RYR2: variants seen among roughly 807,000 people sequenced by gnomAD.
RYR2 encodes cardiac muscle ryanodine receptor-calcium release channel.
Under a neutral mutation model 601.1 loss-of-function variants are expected in RYR2, and 227 were observed. The observed-to-expected ratio is 0.38, with a 90% CI of 0.34 to 0.42. RYR2 has a LOEUF of 0.42. RYR2 is among the 10% of genes least tolerant of loss of function. The pLI is 1.00. For missense variants in RYR2, 4,646 were observed against 6,156.5 expected (o/e 0.75, Z 8.21); for synonymous variants, 2,223 against 2,175.1 (o/e 1.02, Z -0.61).
intron 1 of RYR2, among the ~76,000 whole-genome samples, chr1:237,138,000 C>T (rs1475440471): frequency 6.6e-6 from 1 of 151,174 alleles, no homozygotes; most frequent in Non-Finnish European, 1.5e-5. Flanking sequence ...TTAATTTTAC[C>T]ACTTTTGCAC....
chr1:237,242,033 G>A (rs1358204959), intron 1 of RYR2, among the ~76,000 whole-genome samples: 1 of 152,268 alleles, frequency 6.6e-6, no homozygotes, highest in East Asian at 1.9e-4. Flanking sequence ...TGAAAAGGTG[G>A]ATAGTAGATA....
intron 1 of RYR2, among the ~76,000 whole-genome samples, chr1:237,263,455 G>T (rs945901405): frequency 1.3e-5 from 2 of 152,094 alleles, no homozygotes; most frequent in Non-Finnish European, 2.9e-5. Flanking sequence ...GACAGAATTG[G>T]GTCTAAGTAA....
At chr1:237,732,022 T>C (rs1389607424) in intron 77 of RYR2, 24 bp from the exon 78 acceptor site, 2 of 1,492,418 alleles carry the variant, frequency 1.3e-6, no homozygotes, top group South Asian at 1.2e-5. Flanking sequence ...AATGTGACAT[T>C]TTATAAATTT....
intron 10 of RYR2, among the ~76,000 whole-genome samples, chr1:237,408,639 T>A (rs768464868): frequency 2.6e-4 from 39 of 152,190 alleles, no homozygotes; most frequent in Non-Finnish European, 4.9e-4. Flanking sequence ...TTCTTCTCCT[T>A]CAATATTGTG....
At chr1:237,255,490 G>A (rs1687861112) in intron 1 of RYR2, among the ~76,000 whole-genome samples, 1 of 151,964 alleles carries the variant, frequency 6.6e-6, no homozygotes, top group African/African-American at 2.4e-5. Context: ...CTTAGTTTAG[G>A]GGATTTATAA....
At chr1:237,796,556 T>G (rs1659252698) in intron 96 of RYR2, among the ~76,000 whole-genome samples, 1 of 152,196 alleles carries the variant, frequency 6.6e-6, no homozygotes, top group South Asian at 2.1e-4. Context: ...ATTGCATACA[T>G]TCAGAAAAAG....
intron 10 of RYR2, among the ~76,000 whole-genome samples, chr1:237,403,330 C>A (rs982835087): frequency 2.6e-5 from 4 of 152,184 alleles, no homozygotes; most frequent in African/African-American, 9.7e-5. Context: ...CAGTTGATTT[C>A]AACTCAGAAA....
At chr1:237,504,087 TA>T (rs1429485118) in intron 22 of RYR2, among the ~76,000 whole-genome samples, 2 of 152,228 alleles carry the variant, frequency 1.3e-5, no homozygotes, top group African/African-American at 4.8e-5. Context: ...CCTGAGGTGT[TA>T]AAAACACTGT....
At chr1:237,218,370 CCTA>C (rs900761837) in intron 1 of RYR2, among the ~76,000 whole-genome samples, 2 of 152,040 alleles carry the variant, frequency 1.3e-5, no homozygotes, top group African/African-American at 4.8e-5. Context: ...TCATTGAACA[CCTA>C]CTGTGCACCA....
chr1:237,425,611 GCGATAGAGCAAGAC>G (rs1005320964), intron 12 of RYR2, among the ~76,000 whole-genome samples: 1 of 151,922 alleles, frequency 6.6e-6, no homozygotes, highest in Non-Finnish European at 1.5e-5. Flanking sequence ...TCCAGCCTGG[GCGATAGAGCAAGAC>G]TCTGTCTCAA....
At chr1:237,049,627 C>T (rs1248359344) in intron 1 of RYR2, among the ~76,000 whole-genome samples, 1 of 152,160 alleles carries the variant, frequency 6.6e-6, no homozygotes, top group Non-Finnish European at 1.5e-5. Flanking sequence ...TGGAAATCCT[C>T]ATCCTGGTGG....
At position 237,697,636 on chromosome 1, in the gene RYR2, C is replaced by T. The variant is rs78231565; in HGVS notation, c.9068-1329C>T. On this transcript the variant is annotated intron_variant, in intron 63 of 104. Transcript: ENST00000366574. ...TTGCTTACTGATTCGTTATCTATATCCCCCTTTAAAATGCAAGTACCATAA... is the reference window on the plus strand; with the variant it reads ...TTGCTTACTGATTCGTTATCTATATTCCCCTTTAAAATGCAAGTACCATAA... 5.9e-3 allele frequency among the ~76,000 whole-genome samples: 818 copies of T among 139,624 alleles called. 16 individuals are homozygous for T. Among genetic ancestry groups the T allele is most frequent in the East Asian group, 0.053 (257 of 4,828 alleles). The allele number at this position is 139,624 out of a possible 152,430, so 91.6% of individuals were successfully genotyped here.
intron 63 of RYR2, among the ~76,000 whole-genome samples, chr1:237,691,462 C>A (rs909546207): frequency 1.3e-5 from 2 of 152,044 alleles, no homozygotes; most frequent in Admixed American, 6.6e-5. Flanking sequence ...ATCTCCAAAC[C>A]TCGCCTGTGG....
intron 2 of RYR2, among the ~76,000 whole-genome samples, chr1:237,274,682 A>T (rs959274902): frequency 2.0e-5 from 3 of 152,198 alleles, no homozygotes; most frequent in African/African-American, 7.2e-5. Flanking sequence ...ACATTCACCC[A>T]CCACTCACTC....
chr1:237,556,770 A>G (rs1410008477), intron 27 of RYR2, among the ~76,000 whole-genome samples: 2 of 151,416 alleles, frequency 1.3e-5, no homozygotes, highest in Non-Finnish European at 2.9e-5. Flanking sequence ...TAAGCTGAAG[A>G]GTCATAACAC....
chr1:237,771,999 T>G lies in RYR2; in HGVS notation c.11558-13T>G, dbSNP rs1694310385. On this transcript the variant is annotated splice_polypyrimidine_tract_variant and intron_variant, in intron 85 of 104. Coordinates refer to ENST00000366574, the MANE Select transcript of RYR2 (RefSeq NM_001035.3). ...CTGAGCAAGCATTAATAACATTTTT[T>G]TATCTTGCATAGATTTTCAGAATTA... 1 of 1,448,810 alleles carries G rather than the reference T, an allele frequency of 6.9e-7. No homozygotes were observed. The highest frequency in any genetic ancestry group is 9.5e-7 in the Non-Finnish European group (1 of 1,054,502). The allele number at this position is 1,448,810 out of a possible 1,614,324, so 89.7% of individuals were successfully genotyped here.
intron 3 of RYR2, among the ~76,000 whole-genome samples, chr1:237,342,796 G>A (rs369892904): frequency 3.9e-5 from 6 of 152,280 alleles, no homozygotes; most frequent in South Asian, 2.1e-4. Context: ...AAAGAGCAGC[G>A]CAGCAAGAAC....
At chr1:237,286,034 T>C (rs1170134992) in intron 2 of RYR2, among the ~76,000 whole-genome samples, 2 of 152,172 alleles carry the variant, frequency 1.3e-5, no homozygotes, top group African/African-American at 4.8e-5. Flanking sequence ...TCTGCTCTGA[T>C]CTTGGTTATT....
At chr1:237,600,835 T>C (rs951878474) in intron 34 of RYR2, among the ~76,000 whole-genome samples, 10 of 152,120 alleles carry the variant, frequency 6.6e-5, no homozygotes, top group African/African-American at 2.4e-4. Context: ...AACAGACATA[T>C]GAAAACATGC....
Sources: allele counts gnomAD v4.1 joint callset (sites outside exome capture counted in the v4.1 genomes callset), GRCh38; gene constraint gnomAD v4.1.1; transcripts MANE v1.5; gene names NCBI Gene and HGNC (gene_info 2026-07-23, HGNC 2026-07-21).